AAAS: variants seen among roughly 807,000 people sequenced by gnomAD.
AAAS encodes aladin.
A neutral mutation model predicts 75.6 loss-of-function variants in AAAS; 60 were observed. The observed-to-expected ratio is 0.79, with a 90% CI of 0.64 to 0.98. The LOEUF (loss-of-function observed/expected upper bound fraction) is 0.98. Among genes scored for constraint, AAAS ranks in the 50% least tolerant of loss-of-function variants. The pLI is 0.00. For missense variants in AAAS, 658 were observed against 686.9 expected, an observed-to-expected ratio of 0.96 and a Z score of 0.47; for synonymous variants, 271 against 265.0, an observed-to-expected ratio of 1.02 and a Z score of -0.22.
Position 53,314,739 on chromosome 12 carries a change from C to A in AAAS, c.545+12G>T. ...TGACAAGTCAGAGCCCACCTGGTGTCCCCACACACACCTGCTGGCATTATA... is the reference window on the plus strand; with the variant it reads ...TGACAAGTCAGAGCCCACCTGGTGTACCCACACACACCTGCTGGCATTATA... On this transcript the variant is annotated intron_variant, in intron 6 of 15. Transcript: ENST00000209873. 1 of 1,610,776 alleles carries A rather than the reference C, an allele frequency of 6.2e-7. No individual in the cohort carries two copies. Among genetic ancestry groups the A allele is most frequent in the Non-Finnish European group, 8.5e-7 (1 of 1,178,118 alleles).
intron 4 of AAAS, 26 bp from the exon 5 acceptor site, chr12:53,315,166 C>G (rs934294210): frequency 6.2e-7 from 1 of 1,613,910 alleles, no homozygotes. Flanking sequence ...AGACACAGGA[C>G]ACACTGGGGC....
chr12:53,321,263 T>C, intron 1 of AAAS, 80 bp downstream of exon 1: 1 of 1,573,240 alleles, frequency 6.4e-7, no homozygotes, highest in South Asian at 1.1e-5. Context: ...ACCCTGCCCC[T>C]GTCACACTGC....
chr12:53,308,029 C>G (rs996062656), intron 14 of AAAS, 23 bp downstream of exon 14: 1 of 1,613,878 alleles, frequency 6.2e-7, no homozygotes, highest in African/African-American at 1.3e-5. Flanking sequence ...AAGTCCAGAC[C>G]TAAGGGCCCA....
chr12:53,315,285 A>C, intron 4 of AAAS, 50 bp downstream of exon 4: 1 of 1,605,410 alleles, frequency 6.2e-7, no homozygotes, highest in South Asian at 1.1e-5. Context: ...AGGGCAGAGT[A>C]GGATGGGGAC....
intron 7 of AAAS, among the ~76,000 whole-genome samples, chr12:53,311,919 C>A (rs10783567): frequency 2.0e-5 from 3 of 151,994 alleles, no homozygotes; most frequent in African/African-American, 7.3e-5. Context: ...TCCATCCCCC[C>A]CCAAAAAAAA....
In AAAS at chr12:53,307,606, A is replaced by T. The variant is rs999845757; in HGVS notation, c.1524T>A (p.Gly508=). The T allele has an allele frequency of 1.9e-6, 3 of 1,614,130 alleles. No individual in the cohort carries two copies. Among genetic ancestry groups the T allele is most frequent in the Non-Finnish European group, 2.5e-6 (3 of 1,179,990 alleles). The part of the protein sequence containing the change: ...LGRAQEPPAG[G]GGSIHDLPLF... ...GGGGCAGGTCATGAATAGAGCCTCCACCCCCAGCAGGGGGTTCCTGGGCCC... is the reference window on the plus strand; with the variant it reads ...GGGGCAGGTCATGAATAGAGCCTCCTCCCCCAGCAGGGGGTTCCTGGGCCC... Residue 508 remains glycine (G), a synonymous_variant, in exon 16 of 16, where the codon GGT becomes GGA. Transcript: ENST00000209873.
At chr12:53,310,693 C>T (rs1441413867) in intron 7 of AAAS, among the ~76,000 whole-genome samples, 1 of 152,170 alleles carries the variant, frequency 6.6e-6, no homozygotes, top group Non-Finnish European at 1.5e-5. Context: ...ACGAAGGCTA[C>T]TACCTGAATT....
intron 2 of AAAS, among the ~76,000 whole-genome samples, chr12:53,316,544 G>A (rs1425020741): frequency 3.3e-5 from 5 of 151,310 alleles, no homozygotes; most frequent in East Asian, 1.9e-4. Flanking sequence ...CAAGGTGGGC[G>A]GATCACGAGG....
chr12:53,310,136 A>G (rs1340992483), intron 7 of AAAS, among the ~76,000 whole-genome samples: 2 of 152,216 alleles, frequency 1.3e-5, no homozygotes, highest in Non-Finnish European at 2.9e-5. Context: ...CATTACTTCA[A>G]GGTTCCAACC....
chr12:53,318,716 A>C (rs890533405), intron 2 of AAAS, among the ~76,000 whole-genome samples: 1 of 152,202 alleles, frequency 6.6e-6, no homozygotes, highest in Admixed American at 6.5e-5. Flanking sequence ...AGAGAAATAA[A>C]GAGACTGGAT....
chr12:53,315,660 G>T (rs1481888982), intron 3 of AAAS, 67 bp downstream of exon 3: 1 of 1,567,586 alleles, frequency 6.4e-7, no homozygotes, highest in Admixed American at 1.7e-5. Context: ...GGTGTCGGGG[G>T]TGAGTTCAAG....
chr12:53,320,616 G>T lies in AAAS; in HGVS notation c.200C>A (p.Thr67Asn). The change falls in exon 2 of 16, where the codon ACT becomes AAT. Residue 67 changes from threonine to asparagine, a missense_variant. Physicochemically the swap from Thr to Asn is moderately conservative, Grantham distance 65 (BLOSUM62 0). Coordinates refer to ENST00000209873, the MANE Select transcript of AAAS (RefSeq NM_015665.6). ...TPGRLDHGTR[T>N]AFIHHREQVW... ...TTGCTCCCGGTGATGGATGAAGGCA[G>T]TTCTTGTGCCATGGTCCAGCCTTCC... 1 of 1,614,188 alleles carries T rather than the reference G, an allele frequency of 6.2e-7. No individual in the cohort carries two copies.
At position 53,315,726 on chromosome 12, in the gene AAAS, C is replaced by A; in HGVS notation, c.307+1G>T. 1.9e-6 allele frequency: 3 copies of A among 1,613,574 alleles called. No homozygotes were observed. The highest frequency in any genetic ancestry group is 1.1e-5 in the South Asian group (1 of 90,948). On this transcript the variant is annotated splice_donor_variant, in intron 3 of 15. Coordinates refer to ENST00000209873, the MANE Select transcript of AAAS (RefSeq NM_015665.6). LOFTEE classifies it high-confidence loss of function. Reference sequence around the variant, plus strand: ...GGAAGGCTGGAGGGAAAAATACTTACCCTCTTCTTCTGAGTTTGCAATTTC... The same window carrying A: ...GGAAGGCTGGAGGGAAAAATACTTAACCTCTTCTTCTGAGTTTGCAATTTC...
Position 53,321,341 on chromosome 12 carries a change from A to G in AAAS, c.123+2T>C, listed in dbSNP as rs2136822095. The G allele has an allele frequency of 1.2e-6, 2 of 1,613,336 alleles. No individual in the cohort carries two copies. The highest frequency in any genetic ancestry group is 1.7e-6 in the Non-Finnish European group (2 of 1,179,816). ...GGTCCCCTCCCTCCTCGCCCTGGCC[A>G]CCTGGCCCCGGAAGTCGGGGGGCGG... On this transcript the variant is annotated splice_donor_variant, in intron 1 of 15. Transcript: ENST00000209873. LOFTEE classifies it high-confidence loss of function.
chr12:53,315,111 A>G lies in AAAS; in HGVS notation c.429T>C (p.Phe143=). The G allele has an allele frequency of 6.2e-7, 1 of 1,614,196 alleles. No individual in the cohort carries two copies. Among genetic ancestry groups the G allele is most frequent in the Non-Finnish European group, 8.5e-7 (1 of 1,180,044 alleles). ...SLRSEDLIAE[F]AQVTNWSSCC... is the part of the protein sequence containing the mutation. Reference sequence around the variant, plus strand: ...GCACTCACCAATTTGTGACTTGGGCAAATTCAGCGATCAGATCTTCGCTCC... The same window carrying G: ...GCACTCACCAATTTGTGACTTGGGCGAATTCAGCGATCAGATCTTCGCTCC... The change falls in exon 5 of 16, where the codon TTT becomes TTC. Residue 143 remains phenylalanine, a synonymous_variant. Coordinates refer to ENST00000209873, the MANE Select transcript of AAAS (RefSeq NM_015665.6).
At chr12:53,317,556 CAAA>C (rs34260054) in intron 2 of AAAS, among the ~76,000 whole-genome samples, 1 of 140,782 alleles carries the variant, frequency 7.1e-6, no homozygotes, top group African/African-American at 2.6e-5. Flanking sequence ...GACTCCGTCT[CAAA>C]AAAAAAAAAC....
rs1213183852 is a variant in AAAS, at chr12:53,316,999, C to CT, written c.252-1218dup. 2.0e-5 allele frequency among the ~76,000 whole-genome samples: 3 copies of CT among 150,946 alleles called. No individual in the cohort carries two copies. In the East Asian group the frequency reaches 6.0e-4, roughly 30 times the overall value. ...TTGGGAGGCTGAGGAAGGAGCATCA[C>CT]TTGAGCCCTGGGGGCTGACAATGCA... On this transcript the variant is annotated intron_variant, in intron 2 of 15. Transcript: ENST00000209873.
intron 2 of AAAS, among the ~76,000 whole-genome samples, chr12:53,317,090 A>C (rs540422722): frequency 3.3e-5 from 5 of 152,018 alleles, no homozygotes; most frequent in Non-Finnish European, 2.9e-5. Context: ...ATGCTGTCTC[A>C]AAAAATAATA....
At chr12:53,317,885 A>C (rs1944488158) in intron 2 of AAAS, among the ~76,000 whole-genome samples, 1 of 152,244 alleles carries the variant, frequency 6.6e-6, no homozygotes, top group East Asian at 1.9e-4. Context: ...ACATTAGTAA[A>C]GGAAAGAGCA....
Sources: allele counts gnomAD v4.1 joint callset (sites outside exome capture counted in the v4.1 genomes callset), GRCh38; gene constraint gnomAD v4.1.1; transcripts MANE v1.5; gene names NCBI Gene and HGNC (gene_info 2026-07-23, HGNC 2026-07-21).